The following STOX2 variants were observed in gnomAD, a reference collection of about 807,000 sequenced individuals.
The protein encoded by STOX2 is storkhead-box protein 2.
STOX2 carries 28 observed loss-of-function variants against 60.9 expected under a neutral mutation model. The observed-to-expected ratio is 0.46, with a 90% CI of 0.34 to 0.63. The LOEUF is 0.63. Among genes scored for constraint, STOX2 ranks in the 30% least tolerant of loss-of-function variants. The probability of loss-of-function intolerance (pLI) is 0.01; values close to 1 mark genes in which losing one functional copy is unlikely to be tolerated. For synonymous variants in STOX2, 472 were observed against 463.9 expected (o/e 1.02, Z -0.22); for missense variants, 1,024 against 1,187.7 (o/e 0.86, Z 2.03).
intron 1 of STOX2, among the ~76,000 whole-genome samples, chr4:183,884,097 G>GCC (rs541609589): frequency 3.3e-5 from 5 of 151,600 alleles, no homozygotes; most frequent in African/African-American, 1.2e-4. Flanking sequence ...TAGGTGATCC[G>GCC]CCCCCCTCGG....
Position 183,862,159 on chromosome 4 carries a change from TTTG to T in STOX2, c.364+64116_364+64118del, listed in dbSNP as rs568619598. Among the ~76,000 whole-genome samples, 421 of 130,908 alleles carry T rather than the reference TTTG, an allele frequency of 3.2e-3. 1 individual carries two copies. The highest frequency in any genetic ancestry group is 0.011 in the African/African-American group (391 of 37,188). The allele number at this position is 130,908 out of a possible 152,430, so 85.9% of individuals were successfully genotyped here. On this transcript the variant is annotated intron_variant, in intron 1 of 2. Transcript: ENST00000513034. Reference sequence around the variant, plus strand: ...AGGGGATTTCAGATAACGTTAAGTGTTTGTTGTTGTTGTTTGTTTGTTTGTTTG... The same window carrying T: ...AGGGGATTTCAGATAACGTTAAGTGTTTGTTGTTGTTTGTTTGTTTGTTTG...
At chr4:183,858,705 T>C (rs1740361397) in intron 1 of STOX2, among the ~76,000 whole-genome samples, 2 of 152,338 alleles carry the variant, frequency 1.3e-5, no homozygotes, top group Admixed American at 6.5e-5. Context: ...CTAGACTTTT[T>C]CCCGTGTATC....
In STOX2 at chr4:183,807,252, C is replaced by G. The variant is rs538028295; in HGVS notation, c.364+9197C>G. On this transcript the variant is annotated intron_variant, in intron 1 of 2. Transcript: ENST00000513034. ...CTCCCAAAGTGCTGGGATTACAGGCCTGAACCACCGCGCCCGGCCTCTGAC... is the reference window on the plus strand; with the variant it reads ...CTCCCAAAGTGCTGGGATTACAGGCGTGAACCACCGCGCCCGGCCTCTGAC... Among the ~76,000 whole-genome samples the G allele has an allele frequency of 7.7e-4, 117 of 152,202 alleles. No individual in the cohort carries two copies. The East Asian group carries it at 9.3e-3, about 12-fold the overall frequency.
chr4:183,990,646 G>A (rs1733071061), intron 1 of STOX2, among the ~76,000 whole-genome samples: 1 of 108,728 alleles, frequency 9.2e-6, no homozygotes, highest in East Asian at 3.0e-4. Context: ...ATCTGGTTTT[G>A]CTAATTTTAA....
intron 1 of STOX2, among the ~76,000 whole-genome samples, chr4:183,859,866 C>G (rs1740389844): frequency 6.6e-6 from 1 of 152,002 alleles, no homozygotes; most frequent in African/African-American, 2.4e-5. Flanking sequence ...TTTTCCTTGT[C>G]ACAATATTCT....
intron 1 of STOX2, among the ~76,000 whole-genome samples, chr4:183,894,134 CAGTG>C (rs1741289458): frequency 6.6e-6 from 1 of 152,126 alleles, no homozygotes; most frequent in Non-Finnish European, 1.5e-5. Context: ...CTGGGCAACA[CAGTG>C]AGATTCTGTC....
intron 1 of STOX2, among the ~76,000 whole-genome samples, chr4:183,892,313 C>T (rs1158859470): frequency 6.6e-6 from 1 of 152,250 alleles, no homozygotes; most frequent in Non-Finnish European, 1.5e-5. Context: ...GAGTCTCGCT[C>T]TGTCGCCCAG....
chr4:183,958,689 T>A (rs1454267757), intron 1 of STOX2, among the ~76,000 whole-genome samples: 1 of 152,210 alleles, frequency 6.6e-6, no homozygotes, highest in Non-Finnish European at 1.5e-5. Flanking sequence ...GTTGGTTACT[T>A]GAAGTAAGAA....
chr4:183,803,138 C>T (rs747172935), intron 1 of STOX2, among the ~76,000 whole-genome samples: 1 of 152,164 alleles, frequency 6.6e-6, no homozygotes, highest in Non-Finnish European at 1.5e-5. Context: ...CATCAGATCT[C>T]GTGAAACCCA....
chr4:183,916,247 G>A (rs1741928851), intron 1 of STOX2, among the ~76,000 whole-genome samples: 1 of 152,212 alleles, frequency 6.6e-6, no homozygotes, highest in African/African-American at 2.4e-5. Context: ...TTTGTGCTTG[G>A]TGGTGGCTGT....
chr4:183,973,367 A>C (rs1743798130), intron 1 of STOX2, among the ~76,000 whole-genome samples: 1 of 152,252 alleles, frequency 6.6e-6, no homozygotes, highest in African/African-American at 2.4e-5. Flanking sequence ...GAATTACTGC[A>C]GATTTAATTG....
At chr4:183,948,022 G>C (rs779002687) in intron 1 of STOX2, among the ~76,000 whole-genome samples, 10 of 151,998 alleles carry the variant, frequency 6.6e-5, no homozygotes, top group South Asian at 4.1e-4. Context: ...TTCAAGACCA[G>C]CCTGGCCAAC....
intron 2 of STOX2, among the ~76,000 whole-genome samples, chr4:184,007,045 A>ACAAAAAAAC (rs140195898): frequency 8.4e-6 from 1 of 118,474 alleles, no homozygotes; most frequent in Admixed American, 9.0e-5. Flanking sequence ...AAACAAAAAA[A>ACAAAAAAAC]AAATTTTGTT....
At chr4:183,857,117 G>T (rs1448740714) in intron 1 of STOX2, among the ~76,000 whole-genome samples, 1 of 152,102 alleles carries the variant, frequency 6.6e-6, no homozygotes, top group Non-Finnish European at 1.5e-5. Flanking sequence ...TGTCCCACAG[G>T]ACTGGTCATC....
chr4:183,826,241 C>G (rs1258099064), intron 1 of STOX2, among the ~76,000 whole-genome samples: 1 of 152,084 alleles, frequency 6.6e-6, no homozygotes, highest in Non-Finnish European at 1.5e-5. Flanking sequence ...GGTCTTTTTT[C>G]CCTTTCTGTT....
chr4:183,958,938 C>G (rs2111158954), intron 1 of STOX2, among the ~76,000 whole-genome samples: 1 of 152,272 alleles, frequency 6.6e-6, no homozygotes, highest in East Asian at 1.9e-4. Flanking sequence ...AGGCCAGGCT[C>G]TCTGTGGATA....
intron 1 of STOX2, among the ~76,000 whole-genome samples, chr4:183,946,636 T>TG (rs1742899460): frequency 1.3e-5 from 2 of 150,018 alleles, no homozygotes; most frequent in African/African-American, 5.1e-5. Flanking sequence ...GGTTTTTTTT[T>TG]TTTTTTTGTG....
intron 1 of STOX2, among the ~76,000 whole-genome samples, chr4:183,959,536 G>A (rs149168825): frequency 2.6e-5 from 4 of 152,242 alleles, no homozygotes; most frequent in Admixed American, 2.0e-4. Context: ...TCAGGTTTGC[G>A]GGCATGCTTT....
intron 1 of STOX2, among the ~76,000 whole-genome samples, chr4:183,895,996 A>G (rs1178003448): frequency 6.6e-6 from 1 of 152,198 alleles, no homozygotes; most frequent in Admixed American, 6.5e-5. Flanking sequence ...AGCAGGATAC[A>G]TGAGAGTTTC....
Sources: allele counts gnomAD v4.1 joint callset (sites outside exome capture counted in the v4.1 genomes callset), GRCh38; gene constraint gnomAD v4.1.1; transcripts MANE v1.5; gene names NCBI Gene and HGNC (gene_info 2026-07-23, HGNC 2026-07-21).